Variants in STIL observed in about 807,000 individuals in gnomAD.
STIL encodes the protein STIL centriolar assembly protein.
In STIL, 55 loss-of-function variants were observed where a neutral mutation model predicts 110.1. The ratio of observed to expected loss-of-function variants is 0.50; its 90% CI spans 0.40 to 0.63. The LOEUF is 0.63. STIL is among the 20% of genes least tolerant of loss of function. The pLI, the probability that STIL is intolerant of heterozygous loss-of-function variation, is 0.00. For missense variants in STIL, 1,358 were observed against 1,530.0 expected, an observed-to-expected ratio of 0.89 and a Z score of 1.87; for synonymous variants, 481 against 530.0, an observed-to-expected ratio of 0.91 and a Z score of 1.27.
intron 2 of STIL, among the ~76,000 whole-genome samples, chr1:47,306,542 T>C (rs1004616874): frequency 1.3e-5 from 2 of 152,214 alleles, no homozygotes; most frequent in African/African-American, 2.4e-5. Context: ...GCATGAGCCA[T>C]GGCTCCTGGC....
intron 5 of STIL, 121 bp from the exon 6 acceptor site, chr1:47,300,273 T>C (rs890761418): frequency 1.5e-5 from 15 of 984,594 alleles, no homozygotes; most frequent in Admixed American, 2.8e-5. Flanking sequence ...TTAAATGAGT[T>C]CTGATTTACA....
intron 13 of STIL, among the ~76,000 whole-genome samples, chr1:47,270,251 T>TACCCACAC (rs1223004051): frequency 8.4e-6 from 1 of 119,194 alleles, no homozygotes; most frequent in Non-Finnish European, 1.6e-5. Flanking sequence ...AATATATATA[T>TACCCACAC]ATATACACAC....
rs751995623 is a variant in STIL, at chr1:47,251,188, A to G, written c.3815T>C (p.Val1272Ala). 9 of 1,612,810 alleles carry G rather than the reference A, an allele frequency of 5.6e-6. No individual in the cohort carries two copies. In the African/African-American group the frequency reaches 1.2e-4, roughly 22 times the overall value. Reference protein sequence around the residue: ...TLKQMNSMNSVGTFLDVKRLR... With the variant: ...TLKQMNSMNSAGTFLDVKRLR... ...ACGTTTTACATCTAAGAAGGTGCCT[A>G]CTGAATTCATGCTATTCATCTGCTT... Residue 1272 changes from valine to alanine, a missense_variant, in exon 17 of 17, where the codon GTA (valine) becomes GCA (alanine). By Grantham distance (64) the Val-to-Ala change is moderately conservative. Transcript: ENST00000371877.
chr1:47,275,584 G>T (rs1303947302), intron 12 of STIL, among the ~76,000 whole-genome samples: 2 of 151,934 alleles, frequency 1.3e-5, no homozygotes, highest in African/African-American at 2.4e-5. Context: ...CTCCAGCCTG[G>T]GTGACACAGT....
intron 16 of STIL, among the ~76,000 whole-genome samples, chr1:47,252,719 TG>T (rs1401207082): frequency 6.6e-6 from 1 of 151,546 alleles, no homozygotes; most frequent in African/African-American, 2.4e-5. Flanking sequence ...TGTTCATAGT[TG>T]AAGAGATTCC....
chr1:47,284,455 C>T (rs1645236675), intron 10 of STIL, among the ~76,000 whole-genome samples: 1 of 152,138 alleles, frequency 6.6e-6, no homozygotes, highest in Non-Finnish European at 1.5e-5. Flanking sequence ...ACTTCTTGGG[C>T]CCAAGTGATC....
chr1:47,307,119 ACAG>A (rs1466471281), intron 2 of STIL, among the ~76,000 whole-genome samples: 1 of 152,164 alleles, frequency 6.6e-6, no homozygotes, highest in Non-Finnish European at 1.5e-5. Context: ...CCACCCCACT[ACAG>A]CTTGGGTGAC....
intron 14 of STIL, among the ~76,000 whole-genome samples, chr1:47,265,237 CAAAAAAAAA>C (rs61666574): frequency 5.8e-5 from 3 of 51,658 alleles, no homozygotes; most frequent in Non-Finnish European, 1.1e-4. Flanking sequence ...CTCCATCTCC[CAAAAAAAAA>C]AAAAAAAAAA....
In STIL at chr1:47,289,640, CAAAT is replaced by C. The variant is rs1399455813; in HGVS notation, c.873-59_873-56del. ...TTAATGAGGATAACATGATGACACT[CAAAT>C]AACTTCATGTGAGTCTCCCAATCTA... On this transcript the variant is annotated intron_variant, in intron 8 of 16. Transcript: ENST00000371877. 10 of 1,481,056 alleles carry C rather than the reference CAAAT, an allele frequency of 6.8e-6. No homozygotes were observed. The Admixed American group carries it at 1.3e-4, about 20-fold the overall frequency. 91.7% of individuals were successfully genotyped at this position (1,481,056 alleles called of 1,614,324 possible).
chr1:47,277,147 G>A (rs542397886), intron 12 of STIL, among the ~76,000 whole-genome samples: 1 of 152,264 alleles, frequency 6.6e-6, no homozygotes, highest in Non-Finnish European at 1.5e-5. Flanking sequence ...GGGCCTGAAT[G>A]ATGAGAAGGA....
chr1:47,269,588 A>G, intron 14 of STIL, 47 bp downstream of exon 14: 3 of 1,539,972 alleles, frequency 1.9e-6, no homozygotes, highest in Non-Finnish European at 2.7e-6. Flanking sequence ...TATCAAAAAA[A>G]ATTTTTTTTG....
Position 47,280,348 on chromosome 1 carries a change from T to G in STIL, c.2110A>C (p.Met704Leu). 1 of 1,614,226 alleles carries G rather than the reference T, an allele frequency of 6.2e-7. No homozygotes were observed. The highest frequency in any genetic ancestry group is 8.5e-7 in the Non-Finnish European group (1 of 1,180,046). The change falls in exon 12 of 17, where the codon ATG (methionine) becomes CTG (leucine). Residue 704 changes from methionine to leucine, a missense_variant. Transcript: ENST00000371877. ...TCTGACTCAGTCTTGGGTGTGTGCA[T>G]GCACACTGTGCAAGGCTGTGGGTTA... ...LCNPQPCTVC[M>L]HTPKTESDNG...
At chr1:47,311,422 C>A (rs1244809266) in intron 1 of STIL, among the ~76,000 whole-genome samples, 2 of 151,794 alleles carry the variant, frequency 1.3e-5, no homozygotes, top group Non-Finnish European at 2.9e-5. Flanking sequence ...ATAGCTGGGA[C>A]CACAGGCATT....
intron 14 of STIL, among the ~76,000 whole-genome samples, chr1:47,263,660 A>T (rs1644546480): frequency 6.6e-6 from 1 of 151,948 alleles, no homozygotes; most frequent in Non-Finnish European, 1.5e-5. Context: ...CTGGAAAACA[A>T]GCTGTTGATT....
At chr1:47,299,400 C>CTTT (rs540612576) in intron 6 of STIL, among the ~76,000 whole-genome samples, 2 of 140,418 alleles carry the variant, frequency 1.4e-5, no homozygotes, top group Non-Finnish European at 3.1e-5. Flanking sequence ...TCAGTTTTGT[C>CTTT]TTTTTTTTTT....
intron 12 of STIL, among the ~76,000 whole-genome samples, chr1:47,279,746 C>A (rs867417526): frequency 0.026 from 2,970 of 115,540 alleles, 132 homozygotes; most frequent in African/African-American, 0.098. Context: ...AAAAAAAAAA[C>A]AACAAAAAAC....
At position 47,299,932 on chromosome 1, in the gene STIL, G is replaced by C; in HGVS notation, c.674C>G (p.Ser225Cys). Residue 225 changes from serine to cysteine, a missense_variant, in exon 6 of 17, where the codon TCT becomes TGT. Ser to Cys is a moderately radical substitution (Grantham distance 112, BLOSUM62 -1). Coordinates refer to ENST00000371877, the MANE Select transcript of STIL (RefSeq NM_001048166.1). ...ARNLSSNLNISQVQGTYKYGY... is the reference protein window; with the variant it reads ...ARNLSSNLNICQVQGTYKYGY... Reference sequence around the variant, plus strand: ...ATATTTATAAGTCCCTTGAACTTGAGAAATATTCAGATTACTGCTCAAGTT... The same window carrying C: ...ATATTTATAAGTCCCTTGAACTTGACAAATATTCAGATTACTGCTCAAGTT... 1.2e-6 allele frequency: 2 copies of C among 1,614,020 alleles called. No individual in the cohort carries two copies. Among genetic ancestry groups the C allele is most frequent in the Non-Finnish European group, 1.7e-6 (2 of 1,179,922 alleles).
At chr1:47,278,373 T>C (rs1454564063) in intron 12 of STIL, among the ~76,000 whole-genome samples, 2 of 152,110 alleles carry the variant, frequency 1.3e-5, no homozygotes, top group Non-Finnish European at 2.9e-5. Context: ...AGTTCATATA[T>C]ATATAAGGAA....
At position 47,302,416 on chromosome 1, in the gene STIL, G is replaced by T. The variant is rs1570271899; in HGVS notation, c.153-70C>A. ...TTAAAAAAACCTCCTGCCATAAAATGCTGTCTAAATTATAACACACATTTT... is the reference window on the plus strand; with the variant it reads ...TTAAAAAAACCTCCTGCCATAAAATTCTGTCTAAATTATAACACACATTTT... On this transcript the variant is annotated intron_variant, in intron 3 of 16. Coordinates refer to ENST00000371877, the MANE Select transcript of STIL (RefSeq NM_001048166.1). The T allele has an allele frequency of 7.9e-6, 9 of 1,136,016 alleles. No individual in the cohort carries two copies. The East Asian group carries it at 2.1e-4, about 27-fold the overall frequency. 70.4% of individuals were successfully genotyped at this position (1,136,016 alleles called of 1,614,324 possible).
Sources: allele counts gnomAD v4.1 joint callset (sites outside exome capture counted in the v4.1 genomes callset), GRCh38; gene constraint gnomAD v4.1.1; transcripts MANE v1.5; gene names NCBI Gene and HGNC (gene_info 2026-07-23, HGNC 2026-07-21).